The following PARD3 variants were observed in gnomAD, a reference collection of about 807,000 sequenced individuals.
PARD3 encodes the protein par-3 family cell polarity regulator.
In PARD3, 75 loss-of-function variants were observed where a neutral mutation model predicts 155.4. The ratio of observed to expected loss-of-function variants is 0.48; its 90% CI spans 0.40 to 0.58. PARD3 has a LOEUF of 0.58. PARD3 is among the 20% of genes least tolerant of loss of function. PARD3 has a pLI of 0.00. For synonymous variants in PARD3, 576 were observed against 610.5 expected (o/e 0.94, Z 0.83); for missense variants, 1,642 against 1,721.7 (o/e 0.95, Z 0.82).
intron 22 of PARD3, among the ~76,000 whole-genome samples, chr10:34,180,087 G>A (rs1012364815): frequency 4.6e-5 from 7 of 151,436 alleles, no homozygotes; most frequent in Non-Finnish European, 8.8e-5. Flanking sequence ...TCGCTCTGTC[G>A]CCCAGGCTGG....
intron 2 of PARD3, among the ~76,000 whole-genome samples, chr10:34,526,771 A>G (rs1018339431): frequency 3.6e-4 from 55 of 152,112 alleles, no homozygotes; most frequent in African/African-American, 1.0e-3. Context: ...TTAAGCTACA[A>G]CTGCCTCCTC....
At chr10:34,249,473 G>A (rs753087646) in intron 22 of PARD3, among the ~76,000 whole-genome samples, 5 of 152,104 alleles carry the variant, frequency 3.3e-5, no homozygotes, top group Non-Finnish European at 7.4e-5. Flanking sequence ...TCATAATCTG[G>A]AAGAAATGAA....
At chr10:34,507,578 T>C (rs1305440484) in intron 3 of PARD3, among the ~76,000 whole-genome samples, 1 of 116,770 alleles carries the variant, frequency 8.6e-6, no homozygotes, top group Non-Finnish European at 1.7e-5. Context: ...AGGAGATACT[T>C]TGTGGGCAAA....
At chr10:34,480,833 T>G (rs1330638327) in intron 3 of PARD3, among the ~76,000 whole-genome samples, 1 of 149,600 alleles carries the variant, frequency 6.7e-6, no homozygotes, top group Admixed American at 6.7e-5. Flanking sequence ...GACGGAGTCT[T>G]GCTCTGTCAC....
At chr10:34,786,920 T>C (rs1841036078) in intron 1 of PARD3, among the ~76,000 whole-genome samples, 1 of 152,146 alleles carries the variant, frequency 6.6e-6, no homozygotes, top group Non-Finnish European at 1.5e-5. Flanking sequence ...AACTGGTAGA[T>C]AGACAGTTGC....
chr10:34,203,609 G>T (rs1951322838), intron 22 of PARD3, among the ~76,000 whole-genome samples: 1 of 152,206 alleles, frequency 6.6e-6, no homozygotes, highest in Non-Finnish European at 1.5e-5. Flanking sequence ...GTAAATAGTT[G>T]TTATACTGTG....
At chr10:34,225,993 C>T (rs932386237) in intron 22 of PARD3, among the ~76,000 whole-genome samples, 88 of 151,884 alleles carry the variant, frequency 5.8e-4, no homozygotes, top group Non-Finnish European at 1.5e-4. Context: ...ATAAAAAATA[C>T]ATAAACAAGT....
In PARD3 at chr10:34,269,654, T is replaced by C; in HGVS notation, c.3419+3A>G. ...CAATACCACGATTGCCCCTGGCGCCTACCTGTCTACAGGTGAGGGTTTGGA... is the reference window on the plus strand; with the variant it reads ...CAATACCACGATTGCCCCTGGCGCCCACCTGTCTACAGGTGAGGGTTTGGA... On this transcript the variant is annotated splice_donor_region_variant and intron_variant, in intron 22 of 24. Coordinates refer to ENST00000374788, the MANE Select transcript of PARD3 (RefSeq NM_001184785.2). 1 of 1,613,134 alleles carries C rather than the reference T, an allele frequency of 6.2e-7. No homozygotes were observed. Among genetic ancestry groups the C allele is most frequent in the Non-Finnish European group, 8.5e-7 (1 of 1,179,184 alleles).
intron 12 of PARD3, among the ~76,000 whole-genome samples, chr10:34,367,601 G>A (rs1359560153): frequency 1.3e-5 from 2 of 152,154 alleles, no homozygotes; most frequent in Non-Finnish European, 2.9e-5. Flanking sequence ...CTACTCGGGA[G>A]GCTAAGGCAG....
chr10:34,393,474 G>C (rs11009770), intron 7 of PARD3, among the ~76,000 whole-genome samples: 36,240 of 151,762 alleles, frequency 0.24, 5,089 homozygotes, highest in South Asian at 0.46. Context: ...CCAGCTGCTT[G>C]GGAGGCTGAG....
chr10:34,114,586 C>T (rs1425290083), intron 24 of PARD3, among the ~76,000 whole-genome samples: 1 of 152,168 alleles, frequency 6.6e-6, no homozygotes, highest in Non-Finnish European at 1.5e-5. Context: ...CTCAAGTGAT[C>T]TGCCGACCTC....
intron 2 of PARD3, among the ~76,000 whole-genome samples, chr10:34,614,171 A>T (rs1379363225): frequency 2.6e-5 from 4 of 152,204 alleles, no homozygotes; most frequent in African/African-American, 9.7e-5. Flanking sequence ...AAGTCAACCA[A>T]CATAGAAAAG....
chr10:34,338,038 A>G (rs990093642), intron 16 of PARD3, among the ~76,000 whole-genome samples: 2 of 152,270 alleles, frequency 1.3e-5, no homozygotes, highest in Admixed American at 6.5e-5. Flanking sequence ...GTAGATCCAA[A>G]TAACAGATAA....
chr10:34,419,958 A>T (rs1440704995), intron 5 of PARD3, among the ~76,000 whole-genome samples: 2 of 152,130 alleles, frequency 1.3e-5, no homozygotes, highest in Non-Finnish European at 2.9e-5. Context: ...TGATTAATTG[A>T]TTGATTGAGA....
chr10:34,333,548 C>A (rs540292805), intron 18 of PARD3, among the ~76,000 whole-genome samples: 1 of 152,002 alleles, frequency 6.6e-6, no homozygotes, highest in Non-Finnish European at 1.5e-5. Context: ...GAACTACTCT[C>A]TGTATATTTA....
intron 2 of PARD3, among the ~76,000 whole-genome samples, chr10:34,662,642 G>A (rs1314193088): frequency 1.3e-5 from 2 of 152,206 alleles, no homozygotes; most frequent in African/African-American, 2.4e-5. Context: ...GGAGGCAGAG[G>A]TGAGAGGATC....
chr10:34,623,244 G>A (rs1251286458), intron 2 of PARD3, among the ~76,000 whole-genome samples: 2 of 152,146 alleles, frequency 1.3e-5, no homozygotes, highest in African/African-American at 4.8e-5. Context: ...ACCACCGAAG[G>A]CTGTTCCCAC....
At chr10:34,515,269 T>C (rs1453278623) in intron 3 of PARD3, among the ~76,000 whole-genome samples, 1 of 152,256 alleles carries the variant, frequency 6.6e-6, no homozygotes, top group Non-Finnish European at 1.5e-5. Context: ...GTAAGAATTT[T>C]TAAACAGTAT....
At chr10:34,309,114 G>A (rs1037387125) in intron 20 of PARD3, among the ~76,000 whole-genome samples, 1 of 152,040 alleles carries the variant, frequency 6.6e-6, no homozygotes, top group Non-Finnish European at 1.5e-5. Context: ...AGAGAGAATC[G>A]GAAAAAAGAG....
Sources: allele counts gnomAD v4.1 joint callset (sites outside exome capture counted in the v4.1 genomes callset), GRCh38; gene constraint gnomAD v4.1.1; transcripts MANE v1.5; gene names NCBI Gene and HGNC (gene_info 2026-07-23, HGNC 2026-07-21).